Variants in SLAIN2 observed in about 807,000 individuals in gnomAD.
The protein encoded by SLAIN2 is SLAIN motif-containing protein 2.
SLAIN2 carries 31 observed loss-of-function variants against 56.6 expected under a neutral mutation model. The ratio of observed to expected loss-of-function variants is 0.55; its 90% CI spans 0.41 to 0.74. The LOEUF is 0.74. SLAIN2 is among the 30% of genes least tolerant of loss of function. The probability of loss-of-function intolerance (pLI) is 0.00; values close to 1 mark genes in which losing one functional copy is unlikely to be tolerated. For missense variants in SLAIN2, 777 were observed against 754.2 expected (o/e 1.03, Z -0.35); for synonymous variants, 317 against 284.9 (o/e 1.11, Z -1.13).
Position 48,379,719 on chromosome 4 carries a change from C to A in SLAIN2, c.733C>A (p.Pro245Thr). Residue 245 changes from proline to threonine, a missense_variant, in exon 4 of 8, where the codon CCA becomes ACA. Coordinates refer to ENST00000264313, the MANE Select transcript of SLAIN2 (RefSeq NM_020846.2). ...CTTGAAAAGCTCAGACAGAAATCCT[C>A]CACTCAGTCCTCAGTCCTCTATAGA... ...GNLKSSDRNP[P>T]LSPQSSIDSE... 1.4e-6 allele frequency: 2 copies of A among 1,470,060 alleles called. No individual in the cohort carries two copies. The highest frequency in any genetic ancestry group is 1.8e-6 in the Non-Finnish European group (2 of 1,111,650). 91.1% of individuals were successfully genotyped at this position (1,470,060 alleles called of 1,614,324 possible).
intron 2 of SLAIN2, among the ~76,000 whole-genome samples, chr4:48,376,189 C>T (rs2109757666): frequency 6.6e-6 from 1 of 152,296 alleles, no homozygotes. Flanking sequence ...CACGGTGACT[C>T]ACGCCTGTAA....
intron 6 of SLAIN2, among the ~76,000 whole-genome samples, chr4:48,408,484 C>T (rs1272513318): frequency 2.1e-5 from 3 of 144,860 alleles, no homozygotes; most frequent in Non-Finnish European, 4.5e-5. Context: ...ATGATCCTAA[C>T]CCTGTATAGG....
intron 1 of SLAIN2, among the ~76,000 whole-genome samples, chr4:48,364,659 C>T (rs1288891404): frequency 1.0e-4 from 12 of 118,964 alleles, no homozygotes; most frequent in African/African-American, 2.9e-4. Context: ...GGATCACTCG[C>T]GGTTAGGGGC....
chr4:48,402,098 C>A (rs1716570184), intron 6 of SLAIN2, among the ~76,000 whole-genome samples: 1 of 152,138 alleles, frequency 6.6e-6, no homozygotes, highest in South Asian at 2.1e-4. Flanking sequence ...TGTTGACCCC[C>A]CAATCTCTTC....
intron 1 of SLAIN2, among the ~76,000 whole-genome samples, chr4:48,352,167 G>A (rs1182354324): frequency 1.6e-4 from 25 of 152,168 alleles, no homozygotes; most frequent in Admixed American, 1.6e-3. Context: ...GTATGTAGGC[G>A]AGAACACAAG....
At chr4:48,409,425 G>T (rs1390557880) in intron 6 of SLAIN2, among the ~76,000 whole-genome samples, 1 of 152,148 alleles carries the variant, frequency 6.6e-6, no homozygotes, top group East Asian at 1.9e-4. Context: ...GGACAAACTT[G>T]CCTAATGATT....
chr4:48,364,229 T>G (rs1175543382), intron 1 of SLAIN2, among the ~76,000 whole-genome samples: 2 of 76,592 alleles, frequency 2.6e-5, no homozygotes, highest in East Asian at 6.8e-4. Context: ...GCTCCTCACA[T>G]CCCAGATGGG....
At chr4:48,393,292 C>T (rs770508673) in intron 6 of SLAIN2, among the ~76,000 whole-genome samples, 12 of 152,078 alleles carry the variant, frequency 7.9e-5, no homozygotes, top group Non-Finnish European at 1.6e-4. Context: ...GGTGCAGTCA[C>T]AGCTCACTGC....
chr4:48,425,973 A>C lies in SLAIN2; in HGVS notation c.*3896A>C, dbSNP rs572592523. 6.6e-6 allele frequency: 1 copy of C among 152,192 alleles called. No homozygotes were observed. Among genetic ancestry groups the C allele is most frequent in the Non-Finnish European group, 1.5e-5 (1 of 68,034 alleles). 9.4% of individuals were successfully genotyped at this position (152,192 alleles called of 1,614,324 possible). ...GTTTTCTCTTTAAAAGAAATAAAAA[A>C]ATCTGTTTCTTCTGATTTCGAAAGT... On this transcript the variant is annotated 3_prime_UTR_variant, in exon 8 of 8. Coordinates refer to ENST00000264313, the MANE Select transcript of SLAIN2 (RefSeq NM_020846.2).
At chr4:48,360,504 A>G (rs112188924) in intron 1 of SLAIN2, among the ~76,000 whole-genome samples, 146 of 152,206 alleles carry the variant, frequency 9.6e-4, no homozygotes, top group African/African-American at 3.4e-3. Flanking sequence ...AGGCATGAGA[A>G]TCACTTGAAC....
At chr4:48,402,881 G>T (rs902759409) in intron 6 of SLAIN2, among the ~76,000 whole-genome samples, 2 of 152,174 alleles carry the variant, frequency 1.3e-5, no homozygotes, top group African/African-American at 4.8e-5. Flanking sequence ...CTTTGAGGTT[G>T]CTGACCTTTG....
chr4:48,419,656 G>C (rs1717095528), intron 6 of SLAIN2, among the ~76,000 whole-genome samples: 1 of 152,172 alleles, frequency 6.6e-6, no homozygotes, highest in African/African-American at 2.4e-5. Context: ...TAAATTTTTA[G>C]TTACAGTGTC....
chr4:48,348,375 C>CT (rs1714925152), intron 1 of SLAIN2, among the ~76,000 whole-genome samples: 1 of 152,042 alleles, frequency 6.6e-6, no homozygotes, highest in East Asian at 1.9e-4. Flanking sequence ...CTGTTGCACT[C>CT]TATGTGGGAG....
intron 6 of SLAIN2, among the ~76,000 whole-genome samples, chr4:48,396,276 G>T (rs1021166132): frequency 6.6e-6 from 1 of 152,054 alleles, no homozygotes; most frequent in Non-Finnish European, 1.5e-5. Context: ...TAAAGAAGGG[G>T]GAGGAGGGGC....
At chr4:48,400,236 G>A (rs1716511427) in intron 6 of SLAIN2, among the ~76,000 whole-genome samples, 1 of 152,000 alleles carries the variant, frequency 6.6e-6, no homozygotes, top group African/African-American at 2.4e-5. Context: ...TCTTGGGAGG[G>A]TGTATGTGTC....
intron 1 of SLAIN2, among the ~76,000 whole-genome samples, chr4:48,350,567 T>A (rs1048449301): frequency 1.3e-5 from 2 of 152,192 alleles, no homozygotes; most frequent in Non-Finnish European, 2.9e-5. Flanking sequence ...TTGGGCTAAT[T>A]TTCAGTAGCA....
rs1259213456 is a variant in SLAIN2 at position 48,342,043 on chromosome 4, G to A, written c.304G>A (p.Glu102Lys). ...CGCCACCTCCTTGCTAGCGGCGGGC[G>A]AGGGCGGCTTGCTGGACGAGGTGGA... ...RDATSLLAAG[E>K]GGLLDEVEPL... Residue 102 changes from glutamate to lysine, a missense_variant, in exon 1 of 8, where the codon GAG (glutamate) becomes AAG (lysine). By Grantham distance (56) the Glu-to-Lys change is moderately conservative. Coordinates refer to ENST00000264313, the MANE Select transcript of SLAIN2 (RefSeq NM_020846.2). The A allele has an allele frequency of 7.2e-7, 1 of 1,396,336 alleles. No individual in the cohort carries two copies. The highest frequency in any genetic ancestry group is 9.2e-7 in the Non-Finnish European group (1 of 1,082,232). The allele number at this position is 1,396,336 out of a possible 1,614,324, so 86.5% of individuals were successfully genotyped here.
At chr4:48,397,299 T>A (rs1392635572) in intron 6 of SLAIN2, among the ~76,000 whole-genome samples, 1 of 152,024 alleles carries the variant, frequency 6.6e-6, no homozygotes, top group Admixed American at 6.6e-5. Context: ...AAGAAGACAT[T>A]CATGCGGCCA....
intron 1 of SLAIN2, among the ~76,000 whole-genome samples, chr4:48,364,035 C>T (rs1388778133): frequency 2.0e-5 from 2 of 98,714 alleles, no homozygotes; most frequent in East Asian, 2.9e-4. Context: ...CCTCACTTCC[C>T]AGATGGGGTG....
Sources: gnomAD v4.1 joint callset for allele counts (sites outside exome capture counted in the v4.1 genomes callset) on GRCh38, gnomAD v4.1.1 for gene constraint, MANE v1.5 for transcripts, NCBI Gene and HGNC (gene_info 2026-07-23, HGNC 2026-07-21) for gene names.